The following DNAH5 variants were observed in gnomAD, a reference collection of about 807,000 sequenced individuals.
The protein encoded by DNAH5 is axonemal beta dynein heavy chain 5.
In DNAH5, 372 loss-of-function variants were observed where a neutral mutation model predicts 518.2. The observed-to-expected ratio is 0.72, with a 90% CI of 0.66 to 0.78. The LOEUF (loss-of-function observed/expected upper bound fraction) is 0.78. Ranked by LOEUF, DNAH5 falls within the 30% of genes least tolerant of loss-of-function variation. The probability of loss-of-function intolerance (pLI) is 0.00; values close to 1 mark genes in which losing one functional copy is unlikely to be tolerated. For missense variants in DNAH5, 5,523 were observed against 5,687.0 expected (o/e 0.97, Z 0.93); for synonymous variants, 2,039 against 2,025.9 (o/e 1.01, Z -0.17).
Position 13,862,717 on chromosome 5 carries a change from C to G in DNAH5, c.4627G>C (p.Asp1543His), listed in dbSNP as rs1159853318. 1 of 1,613,752 alleles carries G rather than the reference C, an allele frequency of 6.2e-7. No homozygotes were observed. The highest frequency in any genetic ancestry group is 1.7e-5 in the Admixed American group (1 of 59,990). ...DICISAVKER[D>H]IEQKLKQVIN... is the part of the protein sequence containing the mutation. ...ACTTGCTTCAGCTTTTGCTCAATGTCTCTCTCTTTCACCGCACTGATACAG... is the reference window on the plus strand; with the variant it reads ...ACTTGCTTCAGCTTTTGCTCAATGTGTCTCTCTTTCACCGCACTGATACAG... The change falls in exon 29 of 79, where the codon GAC becomes CAC. Residue 1543 changes from aspartate to histidine, a missense_variant. Physicochemically the swap from Asp to His is moderately conservative, Grantham distance 81 (BLOSUM62 -1). Around this residue, in one of 3 missense-constraint regions of DNAH5, gnomAD observed 5,121 missense variants for 5,223.3 expected, o/e 0.98. Coordinates refer to ENST00000265104, the MANE Select transcript of DNAH5 (RefSeq NM_001369.3).
At chr5:13,906,198 T>C (rs1775269813) in intron 12 of DNAH5, among the ~76,000 whole-genome samples, 1 of 152,194 alleles carries the variant, frequency 6.6e-6, no homozygotes, top group African/African-American at 2.4e-5. Flanking sequence ...CTTGTATCTT[T>C]GTCCAAACCC....
chr5:13,833,552 C>T (rs1273970075), intron 35 of DNAH5, among the ~76,000 whole-genome samples: 1 of 151,904 alleles, frequency 6.6e-6, no homozygotes, highest in African/African-American at 2.4e-5. Context: ...TGGGTACTTA[C>T]GTTGCCTCTA....
intron 1 of DNAH5, among the ~76,000 whole-genome samples, chr5:13,942,365 T>A (rs1033279820): frequency 6.6e-6 from 1 of 152,202 alleles, no homozygotes; most frequent in Admixed American, 6.5e-5. Context: ...AATACATACA[T>A]ACTTATAGTT....
At chr5:13,917,006 A>T (rs1443063616) in intron 8 of DNAH5, 137 bp downstream of exon 8, 1 of 709,836 alleles carries the variant, frequency 1.4e-6, no homozygotes, top group African/African-American at 1.8e-5. Context: ...ACCTATATAT[A>T]TGTAATTTTC....
chr5:13,851,093 G>A (rs1297668045), intron 30 of DNAH5, among the ~76,000 whole-genome samples: 1 of 152,000 alleles, frequency 6.6e-6, no homozygotes, highest in African/African-American at 2.4e-5. Context: ...ACAATTCAAG[G>A]AAATATGAAA....
chr5:13,994,281 C>T lies in DNAH5; in HGVS notation c.12+17367G>A, dbSNP rs142717147. On this transcript the variant is annotated intron_variant, in intron 1 of 78. Transcript: ENST00000681290. ...CTCTCCTGACCTAACCAGAGTTCCC[C>T]GAGCCCCCAACAAGCAAAGACAACT... Among the ~76,000 whole-genome samples, 426 of 152,254 alleles carry T rather than the reference C, an allele frequency of 2.8e-3. 4 individuals are homozygous for T. Among genetic ancestry groups the T allele is most frequent in the African/African-American group, 9.7e-3 (404 of 41,552 alleles).
chr5:13,824,523 G>T (rs1196261427), intron 38 of DNAH5, among the ~76,000 whole-genome samples, 190 bp from the exon 39 acceptor site: 1 of 152,172 alleles, frequency 6.6e-6, no homozygotes. Flanking sequence ...ATATCCCAAA[G>T]AGTCCTCCCA....
At position 13,849,938 on chromosome 5, in the gene DNAH5, G is replaced by A. The variant is rs146819312; in HGVS notation, c.5114+714C>T. On this transcript the variant is annotated intron_variant, in intron 31 of 78. Coordinates refer to ENST00000265104, the MANE Select transcript of DNAH5 (RefSeq NM_001369.3). ...GCCTGGCTTAGATGACCTGAGTCCC[G>A]CAGTGCACAGGACAAGCTGGTTATT... Among the ~76,000 whole-genome samples, 149 of 152,192 alleles carry A rather than the reference G, an allele frequency of 9.8e-4. 1 individual carries two copies. The Middle Eastern group carries it at 0.027, about 28-fold the overall frequency.
intron 65 of DNAH5, among the ~76,000 whole-genome samples, chr5:13,749,540 T>C (rs888697512): frequency 9.2e-5 from 14 of 152,198 alleles, no homozygotes; most frequent in African/African-American, 3.4e-4. Context: ...GCTGTTGCTG[T>C]TGTTGTGTTT....
chr5:13,770,254 G>A (rs982111574), intron 56 of DNAH5, among the ~76,000 whole-genome samples: 2 of 152,112 alleles, frequency 1.3e-5, no homozygotes, highest in East Asian at 3.9e-4. Flanking sequence ...AGGGAAGCAG[G>A]GATACTCCTT....
chr5:13,878,543 T>G (rs1193827244), intron 21 of DNAH5, among the ~76,000 whole-genome samples: 1 of 152,034 alleles, frequency 6.6e-6, no homozygotes, highest in Non-Finnish European at 1.5e-5. Context: ...ACTTCATGAG[T>G]GTTCCCTCTG....
At position 13,766,176 on chromosome 5, in the gene DNAH5, T is replaced by G; in HGVS notation, c.9901A>C (p.Ile3301Leu). 1 of 1,614,164 alleles carries G rather than the reference T, an allele frequency of 6.2e-7. No individual in the cohort carries two copies. The highest frequency in any genetic ancestry group is 8.5e-7 in the Non-Finnish European group (1 of 1,180,008). ...ACAGTGGCGATGTCCGAAGGCCTGA[T>G]GGTCTGGGGGATGAAAGGAACGATC... ...LEEAEAALQT[I>L]RPSDIATVRT... is the part of the protein sequence containing the mutation. Residue 3301 changes from isoleucine (I) to leucine (L), a missense_variant, in exon 59 of 79, where the codon ATC becomes CTC. Ile to Leu is a conservative substitution (Grantham distance 5). Coordinates refer to ENST00000265104, the MANE Select transcript of DNAH5 (RefSeq NM_001369.3).
intron 53 of DNAH5, among the ~76,000 whole-genome samples, chr5:13,777,763 T>C (rs1754323033): frequency 6.6e-6 from 1 of 152,206 alleles, no homozygotes; most frequent in African/African-American, 2.4e-5. Context: ...AAACTTTGGT[T>C]ATACAGGGTG....
At chr5:13,709,742 G>C (rs1743244214) in intron 75 of DNAH5, among the ~76,000 whole-genome samples, 1 of 152,166 alleles carries the variant, frequency 6.6e-6, no homozygotes, top group African/African-American at 2.4e-5. Flanking sequence ...TGCAGAAGTG[G>C]GAAAGGGAGA....
intron 64 of DNAH5, among the ~76,000 whole-genome samples, 189 bp downstream of exon 64, chr5:13,751,945 A>G (rs919194578): frequency 6.6e-6 from 1 of 152,180 alleles, no homozygotes; most frequent in Admixed American, 6.5e-5. Context: ...ACAAAAGTGA[A>G]GTCAATACTC....
chr5:13,795,518 A>T (rs1025954438), intron 47 of DNAH5, among the ~76,000 whole-genome samples: 25 of 152,246 alleles, frequency 1.6e-4, no homozygotes, highest in African/African-American at 5.5e-4. Flanking sequence ...TGAATCTCTG[A>T]ATAGACCAAT....
intron 7 of DNAH5, among the ~76,000 whole-genome samples, chr5:13,918,342 C>A (rs1219801039): frequency 2.0e-5 from 3 of 152,288 alleles, no homozygotes; most frequent in African/African-American, 7.2e-5. Context: ...ATCTTCCCCG[C>A]GTTGAGCCCT....
intron 8 of DNAH5, among the ~76,000 whole-genome samples, 155 bp downstream of exon 8, chr5:13,916,988 G>C (rs987575921): frequency 6.6e-6 from 1 of 152,092 alleles, no homozygotes; most frequent in Admixed American, 6.5e-5. Context: ...GTGCGTCTGC[G>C]TGTATATACC....
At chr5:13,762,015 T>C (rs938657931) in intron 60 of DNAH5, among the ~76,000 whole-genome samples, 1 of 152,212 alleles carries the variant, frequency 6.6e-6, no homozygotes, top group Non-Finnish European at 1.5e-5. Context: ...ATGAGACTCA[T>C]ACAAAAGCAA....
Sources: gnomAD v4.1 joint callset for allele counts (sites outside exome capture counted in the v4.1 genomes callset) on GRCh38, gnomAD v4.1.1 for gene constraint, gnomAD v4.1.1 regional missense constraint, MANE v1.5 for transcripts, NCBI Gene and HGNC (gene_info 2026-07-23, HGNC 2026-07-21) for gene names.